The following LNPEP variants were observed in gnomAD, a reference collection of about 807,000 sequenced individuals.
The protein encoded by LNPEP is leucyl-cystinyl aminopeptidase.
LNPEP carries 64 observed loss-of-function variants against 120.6 expected under a neutral mutation model. The ratio of observed to expected loss-of-function variants is 0.53; its 90% CI spans 0.43 to 0.65. LNPEP has a LOEUF of 0.65. Among genes scored for constraint, LNPEP ranks in the 30% least tolerant of loss-of-function variants. The probability of loss-of-function intolerance (pLI) is 0.00; values close to 1 mark genes in which losing one functional copy is unlikely to be tolerated. For missense variants in LNPEP, 1,057 were observed against 1,200.0 expected (o/e 0.88, Z 1.76); for synonymous variants, 435 against 425.4 (o/e 1.02, Z -0.28).
intron 1 of LNPEP, among the ~76,000 whole-genome samples, chr5:96,960,015 C>T (rs1322897597): frequency 2.7e-5 from 4 of 149,712 alleles, no homozygotes; most frequent in African/African-American, 9.9e-5. Flanking sequence ...CTTGGCTCAC[C>T]ACAACCTCTG....
At position 97,033,129 on chromosome 5, in the gene LNPEP, A is replaced by G. The variant is rs967307229; in HGVS notation, c.*4596A>G. 4.1e-4 allele frequency: 63 copies of G among 152,262 alleles called. No individual in the cohort carries two copies. The highest frequency in any genetic ancestry group is 6.8e-3 in the Middle Eastern group (2 of 292). The allele number at this position is 152,262 out of a possible 1,614,324, so 9.4% of individuals were successfully genotyped here. A position where few individuals can be genotyped will look rare whatever the true frequency, so the allele number is the denominator to read the frequency against. ...TGTATATAAATAAACTTGCTACTAC[A>G]TTGTATTACTAATTTGGTTCACACT... On this transcript the variant is annotated 3_prime_UTR_variant, in exon 18 of 18. Coordinates refer to ENST00000231368, the MANE Select transcript of LNPEP (RefSeq NM_005575.3).
At chr5:97,020,721 G>A (rs867111203) in intron 13 of LNPEP, among the ~76,000 whole-genome samples, 5 of 152,224 alleles carry the variant, frequency 3.3e-5, no homozygotes, top group African/African-American at 1.2e-4. Flanking sequence ...AGAATGACGT[G>A]AACCTGGGAG....
At chr5:97,011,442 C>T (rs990741607) in intron 11 of LNPEP, among the ~76,000 whole-genome samples, 10 of 152,118 alleles carry the variant, frequency 6.6e-5, no homozygotes, top group Admixed American at 5.2e-4. Flanking sequence ...GTTGTCCAGG[C>T]TGCTCTCAAA....
At chr5:96,959,933 C>CTTTTT (rs11316262) in intron 1 of LNPEP, among the ~76,000 whole-genome samples, 12 of 113,160 alleles carry the variant, frequency 1.1e-4, no homozygotes, top group South Asian at 2.8e-4. Context: ...TAAAATTTAT[C>CTTTTT]TTTTTTTTTT....
chr5:96,948,086 GA>G (rs1322935649), intron 1 of LNPEP, among the ~76,000 whole-genome samples: 5 of 151,832 alleles, frequency 3.3e-5, no homozygotes, highest in African/African-American at 1.2e-4. Flanking sequence ...GATCCGGGAA[GA>G]AGCATAGTGT....
intron 4 of LNPEP, among the ~76,000 whole-genome samples, chr5:96,990,218 G>A (rs1790360363): frequency 6.6e-6 from 1 of 152,164 alleles, no homozygotes; most frequent in South Asian, 2.1e-4. Context: ...GCGTGTGTGT[G>A]TGTATATTAA....
intron 15 of LNPEP, among the ~76,000 whole-genome samples, chr5:97,025,024 A>T (rs919038146): frequency 1.3e-5 from 2 of 152,226 alleles, no homozygotes; most frequent in Non-Finnish European, 2.9e-5. Context: ...CTGTCATTTT[A>T]AAAATGTAGG....
chr5:97,013,610 C>G, intron 11 of LNPEP, 38 bp from the exon 12 acceptor site: 14 of 1,187,412 alleles, frequency 1.2e-5, no homozygotes, highest in Non-Finnish European at 1.5e-5. Context: ...GTCCAATTGT[C>G]TTCTCTCTCA....
chr5:97,002,411 G>C lies in LNPEP; in HGVS notation c.1654-1004G>C, dbSNP rs114098429. On this transcript the variant is annotated intron_variant, in intron 8 of 17. Transcript: ENST00000231368. Reference sequence around the variant, plus strand: ...TAATGGGCATGTTACAGTATGAAGGGAAAAGTTGGTGATGCAGAAGAGAAA... The same window carrying C: ...TAATGGGCATGTTACAGTATGAAGGCAAAAGTTGGTGATGCAGAAGAGAAA... Among the ~76,000 whole-genome samples, 4 of 152,130 alleles carry C rather than the reference G, an allele frequency of 2.6e-5. 1 individual carries two copies. The highest frequency in any genetic ancestry group is 2.6e-4 in the Admixed American group (4 of 15,272).
At chr5:97,013,861 T>C in intron 12 of LNPEP, 30 bp downstream of exon 12, 1 of 1,502,648 alleles carries the variant, frequency 6.7e-7, no homozygotes, top group East Asian at 2.3e-5. Flanking sequence ...AGATTTTTTC[T>C]TTTTTTAAAC....
intron 13 of LNPEP, among the ~76,000 whole-genome samples, chr5:97,015,983 C>T (rs932215065): frequency 2.0e-5 from 3 of 151,922 alleles, no homozygotes; most frequent in Non-Finnish European, 4.4e-5. Flanking sequence ...TTCTTTCTGC[C>T]TCTGTTACTG....
At chr5:96,948,167 G>T (rs992657403) in intron 1 of LNPEP, among the ~76,000 whole-genome samples, 11 of 151,220 alleles carry the variant, frequency 7.3e-5, no homozygotes, top group African/African-American at 2.4e-4. Context: ...TCCCAGGCTG[G>T]AGTGCAGTGG....
chr5:96,988,175 C>T (rs1790286238), intron 4 of LNPEP, among the ~76,000 whole-genome samples: 1 of 151,678 alleles, frequency 6.6e-6, no homozygotes, highest in Non-Finnish European at 1.5e-5. Context: ...TTCCCCCTTT[C>T]TCTCATCTGC....
intron 12 of LNPEP, among the ~76,000 whole-genome samples, chr5:97,014,116 C>A (rs963601371): frequency 6.6e-6 from 1 of 152,078 alleles, no homozygotes; most frequent in Non-Finnish European, 1.5e-5. Context: ...AGTTCAAGCT[C>A]TATTTTATTT....
rs192377024 is a variant in LNPEP at position 97,012,636 on chromosome 5, T to C, written c.2036-1012T>C. On this transcript the variant is annotated intron_variant, in intron 11 of 17. Coordinates refer to ENST00000231368, the MANE Select transcript of LNPEP (RefSeq NM_005575.3). ...GTAAACCTCAAGATGCTTAGAAGCA[T>C]ACCCCATTATAATTAAGTCTACATC... 7.2e-5 allele frequency among the ~76,000 whole-genome samples: 11 copies of C among 152,324 alleles called. No homozygotes were observed. The South Asian group carries it at 8.3e-4, about 11-fold the overall frequency.
rs1561438578 is a variant in LNPEP, at chr5:96,979,122, TG to T, written c.20-15del. ...TTTCTAACTCTGTGCCTTGTTCTTA[TG>T]TTTTGGTTTTTTAGATCGGCTTCAG... On this transcript the variant is annotated splice_polypyrimidine_tract_variant and intron_variant, in intron 1 of 17. Coordinates refer to ENST00000231368, the MANE Select transcript of LNPEP (RefSeq NM_005575.3). 6.4e-7 allele frequency: 1 copy of T among 1,571,798 alleles called. No individual in the cohort carries two copies. The highest frequency in any genetic ancestry group is 1.9e-5 in the Admixed American group (1 of 52,146).
intron 4 of LNPEP, 120 bp downstream of exon 4, chr5:96,986,790 C>A: frequency 1.2e-6 from 1 of 851,202 alleles, no homozygotes; most frequent in Non-Finnish European, 1.8e-6. Flanking sequence ...CACACTCTGA[C>A]ATTTTATACC....
Position 96,985,199 on chromosome 5 carries a change from C to T in LNPEP, c.980C>T (p.Ala327Val). Residue 327 changes from alanine to valine, a missense_variant, in exon 3 of 18, where the codon GCT (alanine) becomes GTT (valine). Coordinates refer to ENST00000231368, the MANE Select transcript of LNPEP (RefSeq NM_005575.3). ...ATCATAAGGGATGAGCAATACACCGCTTTATCAAATATGCCTAAGGTACTG... is the reference window on the plus strand; with the variant it reads ...ATCATAAGGGATGAGCAATACACCGTTTTATCAAATATGCCTAAGGTACTG... ...IKIIRDEQYT[A>V]LSNMPKKSSV... 1.2e-6 allele frequency: 2 copies of T among 1,613,680 alleles called. No individual in the cohort carries two copies. The highest frequency in any genetic ancestry group is 8.5e-7 in the Non-Finnish European group (1 of 1,179,722).
chr5:97,024,544 C>A lies in LNPEP; in HGVS notation c.2585C>A (p.Thr862Asn). 2 of 1,614,000 alleles carry A rather than the reference C, an allele frequency of 1.2e-6. No homozygotes were observed. The highest frequency in any genetic ancestry group is 1.7e-6 in the Non-Finnish European group (2 of 1,179,922). Residue 862 changes from threonine (T) to asparagine (N), a missense_variant, in exon 15 of 18, where the codon ACT becomes AAT. Coordinates refer to ENST00000231368, the MANE Select transcript of LNPEP (RefSeq NM_005575.3). The part of the protein sequence containing the change: ...TQSLPTDVMT[T>N]VFKVGAKTDK... ...AGCCTACCTACTGATGTCATGACAA[C>A]TGTGTTCAAAGTTGGAGCAAAAACT...
Sources: allele counts gnomAD v4.1 joint callset (sites outside exome capture counted in the v4.1 genomes callset), GRCh38; gene constraint gnomAD v4.1.1; transcripts MANE v1.5; gene names NCBI Gene and HGNC (gene_info 2026-07-23, HGNC 2026-07-21).